SNTG1: variants seen among roughly 807,000 people sequenced by gnomAD.
SNTG1 encodes the protein gamma-1-syntrophin.
SNTG1 carries 39 observed loss-of-function variants against 74.7 expected under a neutral mutation model. That is an observed-to-expected ratio of 0.52 (90% CI 0.40 to 0.68). The LOEUF is 0.68. SNTG1 is among the 30% of genes least tolerant of loss of function. The pLI is 0.00. For missense variants in SNTG1, 685 were observed against 609.5 expected (o/e 1.12, Z -1.30); for synonymous variants, 254 against 217.1 (o/e 1.17, Z -1.49).
At chr8:50,582,924 G>A (rs1268556004) in intron 12 of SNTG1, among the ~76,000 whole-genome samples, 1 of 151,996 alleles carries the variant, frequency 6.6e-6, no homozygotes, top group Non-Finnish European at 1.5e-5. Flanking sequence ...AGAAATCAAA[G>A]ATAATTATAA....
chr8:50,161,606 G>A (rs2082417975), intron 1 of SNTG1, among the ~76,000 whole-genome samples: 1 of 152,158 alleles, frequency 6.6e-6, no homozygotes, highest in African/African-American at 2.4e-5. Flanking sequence ...TATCTGTTGT[G>A]TGTTCTGTAT....
intron 1 of SNTG1, among the ~76,000 whole-genome samples, chr8:50,120,460 A>T (rs1305306497): frequency 2.1e-5 from 3 of 139,826 alleles, no homozygotes; most frequent in East Asian, 4.1e-4. Flanking sequence ...GAAACTATTA[A>T]CTATTACTAC....
At chr8:50,773,313 C>T (rs952505595) in intron 18 of SNTG1, among the ~76,000 whole-genome samples, 2 of 152,046 alleles carry the variant, frequency 1.3e-5, no homozygotes, top group East Asian at 1.9e-4. Context: ...TCCTGAGAAC[C>T]TAGAAGGGCA....
chr8:50,262,715 C>G (rs2087257849), intron 2 of SNTG1, among the ~76,000 whole-genome samples: 1 of 151,442 alleles, frequency 6.6e-6, no homozygotes, highest in Admixed American at 6.6e-5. Context: ...GGCCCGAAAT[C>G]TTTTTTTTTA....
At chr8:50,429,457 C>T (rs1213092026) in intron 4 of SNTG1, among the ~76,000 whole-genome samples, 2 of 152,080 alleles carry the variant, frequency 1.3e-5, no homozygotes, top group Non-Finnish European at 1.5e-5. Flanking sequence ...TTGAACCCTA[C>T]CTCACACCAC....
At chr8:50,199,017 A>G (rs1196420014) in intron 2 of SNTG1, among the ~76,000 whole-genome samples, 6 of 152,140 alleles carry the variant, frequency 3.9e-5, no homozygotes, top group African/African-American at 9.7e-5. Flanking sequence ...GCATTATCTC[A>G]CCTGGGAAGT....
intron 18 of SNTG1, among the ~76,000 whole-genome samples, chr8:50,780,594 T>G (rs1361926219): frequency 6.6e-6 from 1 of 152,210 alleles, no homozygotes; most frequent in African/African-American, 2.4e-5. Flanking sequence ...TCTTCTCTCT[T>G]TTCTTCTTTA....
intron 18 of SNTG1, among the ~76,000 whole-genome samples, chr8:50,777,462 C>A (rs1013005917): frequency 6.7e-6 from 1 of 150,182 alleles, no homozygotes; most frequent in Non-Finnish European, 1.5e-5. Context: ...TTATTGTATT[C>A]TTTTTTATGT....
chr8:50,029,709 A>G (rs1817584151), intron 1 of SNTG1, among the ~76,000 whole-genome samples: 1 of 152,164 alleles, frequency 6.6e-6, no homozygotes, highest in African/African-American at 2.4e-5. Flanking sequence ...ATATGACTCC[A>G]TTGTGTATAT....
At chr8:50,706,868 A>G (rs1243223906) in intron 16 of SNTG1, among the ~76,000 whole-genome samples, 2 of 152,006 alleles carry the variant, frequency 1.3e-5, no homozygotes, top group Admixed American at 6.6e-5. Context: ...AAGAAGGAAT[A>G]TAAGTTCTAT....
At position 50,511,861 on chromosome 8, in the gene SNTG1, C is replaced by G. The variant is rs2094079803; in HGVS notation, c.466+8981C>G. ...TACAGCACACTGATGGGTCTTGACT[C>G]TTTATCCAATTTGCCAGTCTGTGTC... On this transcript the variant is annotated intron_variant, in intron 9 of 18. Coordinates refer to ENST00000642720, the MANE Select transcript of SNTG1 (RefSeq NM_018967.5). Among the ~76,000 whole-genome samples the G allele has an allele frequency of 1.3e-5, 2 of 152,216 alleles. 1 individual carries two copies. Among genetic ancestry groups the G allele is most frequent in the South Asian group, 4.1e-4 (2 of 4,822 alleles).
At chr8:50,196,288 G>T (rs1021901375) in intron 2 of SNTG1, among the ~76,000 whole-genome samples, 6 of 152,100 alleles carry the variant, frequency 3.9e-5, no homozygotes, top group Non-Finnish European at 8.8e-5. Flanking sequence ...CTAGCAACTG[G>T]TATCTCGTAA....
At chr8:50,530,436 C>T (rs2130318583) in intron 10 of SNTG1, among the ~76,000 whole-genome samples, 177 bp downstream of exon 10, 1 of 152,124 alleles carries the variant, frequency 6.6e-6, no homozygotes, top group African/African-American at 2.4e-5. Context: ...CCATTTTTTT[C>T]CCCTCTCAAG....
At position 49,962,918 on chromosome 8, in the gene SNTG1, C is replaced by T. The variant is rs191590928; in HGVS notation, c.-103+50687C>T. Among the ~76,000 whole-genome samples, 247 of 152,246 alleles carry T rather than the reference C, an allele frequency of 1.6e-3. 2 individuals carry two copies. Among genetic ancestry groups the T allele is most frequent in the Middle Eastern group, 6.8e-3 (2 of 294 alleles). ...AAGAGTGGTTCTAACCACAGATTCCCGGGCTGTTTGTAGCAGGGAGGCAGG... is the reference window on the plus strand; with the variant it reads ...AAGAGTGGTTCTAACCACAGATTCCTGGGCTGTTTGTAGCAGGGAGGCAGG... On this transcript the variant is annotated intron_variant, in intron 1 of 18. Transcript: ENST00000642720.
At chr8:50,187,155 G>GA (rs1247127145) in intron 2 of SNTG1, among the ~76,000 whole-genome samples, 1 of 151,954 alleles carries the variant, frequency 6.6e-6, no homozygotes, top group Non-Finnish European at 1.5e-5. Flanking sequence ...CACAGAATTA[G>GA]AAAAAAACTA....
intron 4 of SNTG1, among the ~76,000 whole-genome samples, chr8:50,423,806 T>A (rs1460722112): frequency 1.3e-5 from 2 of 151,908 alleles, no homozygotes; most frequent in African/African-American, 4.8e-5. Flanking sequence ...GGCCAAAAAA[T>A]GTGATGAGAT....
At chr8:50,433,656 C>A (rs1171032904) in intron 4 of SNTG1, among the ~76,000 whole-genome samples, 1 of 152,056 alleles carries the variant, frequency 6.6e-6, no homozygotes, top group African/African-American at 2.4e-5. Flanking sequence ...TTTCCTACAC[C>A]AGTGGGTTGC....
At chr8:49,943,762 T>A (rs921973996) in intron 1 of SNTG1, among the ~76,000 whole-genome samples, 2 of 152,328 alleles carry the variant, frequency 1.3e-5, no homozygotes, top group East Asian at 3.9e-4. Context: ...TTAAAATGAG[T>A]CTTTCTTGGA....
At chr8:50,252,986 C>T (rs1414839581) in intron 2 of SNTG1, among the ~76,000 whole-genome samples, 2 of 152,154 alleles carry the variant, frequency 1.3e-5, no homozygotes, top group African/African-American at 4.8e-5. Context: ...GATACACCCT[C>T]AATCCAAGTA....
Sources: allele counts gnomAD v4.1 joint callset (sites outside exome capture counted in the v4.1 genomes callset), GRCh38; gene constraint gnomAD v4.1.1; transcripts MANE v1.5; gene names NCBI Gene and HGNC (gene_info 2026-07-23, HGNC 2026-07-21).